COLEC12: variants seen among roughly 807,000 people sequenced by gnomAD.
COLEC12 encodes collectin-12.
Under a neutral mutation model 71.1 loss-of-function variants are expected in COLEC12, and 33 were observed. The ratio of observed to expected loss-of-function variants is 0.46; its 90% CI spans 0.35 to 0.62. COLEC12 has a LOEUF of 0.62. Ranked by LOEUF, COLEC12 falls within the 20% of genes least tolerant of loss-of-function variation. The probability of loss-of-function intolerance (pLI) is 0.00; values close to 1 mark genes in which losing one functional copy is unlikely to be tolerated. For missense variants in COLEC12, 765 were observed against 916.1 expected (o/e 0.84, Z 2.13); for synonymous variants, 350 against 353.0 (o/e 0.99, Z 0.10).
At chr18:471,612 A>T (rs1179194484) in intron 2 of COLEC12, among the ~76,000 whole-genome samples, 1 of 151,314 alleles carries the variant, frequency 6.6e-6, no homozygotes, top group Non-Finnish European at 1.5e-5. Flanking sequence ...AAATAATTTT[A>T]AAAGTGAAAC....
rs200423840 is a variant in COLEC12, at chr18:348,060, A to ATT, written c.280+3_280+4dup. ...ATTTCATGGTTTAGTCTTGTCACAG[A>ATT]TTACCTAATTTTTTCAGGTCACTTT... is the stretch of plus-strand genomic sequence containing the variant. On this transcript the variant is annotated splice_donor_region_variant and intron_variant, in intron 4 of 9. Transcript: ENST00000400256. The ATT allele has an allele frequency of 3.4e-3, 5,489 of 1,601,700 alleles. 189 individuals carry two copies. The African/African-American group carries it at 0.066, about 19-fold the overall frequency.
chr18:322,983 G>T (rs1913747626), intron 8 of COLEC12, among the ~76,000 whole-genome samples: 2 of 152,110 alleles, frequency 1.3e-5, no homozygotes, highest in South Asian at 4.1e-4. Flanking sequence ...CCAGCGTTTT[G>T]GGGGGCTGAG....
At chr18:347,996 C>T in intron 4 of COLEC12, 69 bp downstream of exon 4, 1 of 1,036,142 alleles carries the variant, frequency 9.7e-7, no homozygotes, top group Non-Finnish European at 1.5e-6. Context: ...ATAGCAACAT[C>T]ATTCTAAGAA....
chr18:336,994 G>A (rs963173810), intron 5 of COLEC12, among the ~76,000 whole-genome samples: 3 of 151,756 alleles, frequency 2.0e-5, no homozygotes, highest in Non-Finnish European at 2.9e-5. Context: ...ATGTAGCTGG[G>A]ACTAGAGGCT....
chr18:478,490 G>A (rs186763179), intron 2 of COLEC12, among the ~76,000 whole-genome samples: 59 of 152,280 alleles, frequency 3.9e-4, no homozygotes, highest in Non-Finnish European at 7.2e-4. Context: ...GCACATACCC[G>A]TAGGCCCAGC....
chr18:373,309 G>C (rs758323833), intron 2 of COLEC12, among the ~76,000 whole-genome samples: 1 of 152,144 alleles, frequency 6.6e-6, no homozygotes, highest in African/African-American at 2.4e-5. Context: ...CGCTGGAAAG[G>C]GAACACCTTG....
In COLEC12 at chr18:441,208, A is replaced by C. The variant is rs186524150; in HGVS notation, c.58+39499T>G. On this transcript the variant is annotated intron_variant, in intron 2 of 9. Coordinates refer to ENST00000400256, the MANE Select transcript of COLEC12 (RefSeq NM_130386.3). ...GCTTGCAGTGAGCCGAGATTGTGCC[A>C]CTGCACTCCAGCCTGGGCGACAGAG... Among the ~76,000 whole-genome samples, 434 of 151,058 alleles carry C rather than the reference A, an allele frequency of 2.9e-3. 1 individual carries two copies. The highest frequency in any genetic ancestry group is 0.014 in the Middle Eastern group (4 of 294).
intron 2 of COLEC12, among the ~76,000 whole-genome samples, chr18:410,925 T>C (rs1915881344): frequency 6.6e-6 from 1 of 152,170 alleles, no homozygotes; most frequent in Non-Finnish European, 1.5e-5. Flanking sequence ...CAGCAAAGCC[T>C]GGGTGGGGAA....
chr18:463,330 T>G (rs1328273329), intron 2 of COLEC12, among the ~76,000 whole-genome samples: 1 of 152,182 alleles, frequency 6.6e-6, no homozygotes, highest in Admixed American at 6.5e-5. Flanking sequence ...GGCACACGGG[T>G]GAAGCCATAG....
At chr18:497,184 G>A (rs968029663) in intron 1 of COLEC12, among the ~76,000 whole-genome samples, 1 of 152,194 alleles carries the variant, frequency 6.6e-6, no homozygotes, top group Admixed American at 6.5e-5. Context: ...AGGTGGCGCT[G>A]TGACTGACTG....
chr18:319,341 A>AATATATATATATATATATAT lies in COLEC12; in HGVS notation c.*684_*703dup, dbSNP rs1555611774. 6.0e-5 allele frequency: 4 copies of AATATATATATATATATATAT among 67,170 alleles called. No homozygotes were observed. Among genetic ancestry groups the AATATATATATATATATATAT allele is most frequent in the Admixed American group, 1.8e-4 (1 of 5,420 alleles). The allele number at this position is 67,170 out of a possible 1,614,324, so 4.2% of individuals were successfully genotyped here. On this transcript the variant is annotated 3_prime_UTR_variant, in exon 10 of 10. Transcript: ENST00000400256. ...AACATTAAAAAAAAAAAAAAAAAAA[A>AATATATATATATATATATAT]ATATATATATATATATATATATACA... is the stretch of plus-strand genomic sequence containing the variant.
chr18:377,916 T>A (rs1915148806), intron 2 of COLEC12, among the ~76,000 whole-genome samples: 2 of 152,120 alleles, frequency 1.3e-5, no homozygotes, highest in Non-Finnish European at 2.9e-5. Flanking sequence ...GTTGGGGCTT[T>A]AACTCCTTCC....
chr18:409,583 C>A (rs1915854512), intron 2 of COLEC12, among the ~76,000 whole-genome samples: 1 of 152,110 alleles, frequency 6.6e-6, no homozygotes, highest in Non-Finnish European at 1.5e-5. Context: ...ATAGAAAGTA[C>A]CAATGAGTTG....
At chr18:430,085 C>T (rs964939839) in intron 2 of COLEC12, among the ~76,000 whole-genome samples, 2 of 152,104 alleles carry the variant, frequency 1.3e-5, no homozygotes, top group African/African-American at 2.4e-5. Flanking sequence ...TGGTGGCTCA[C>T]GTCTGTAATC....
At chr18:484,920 G>C (rs975143716) in intron 1 of COLEC12, among the ~76,000 whole-genome samples, 1 of 152,228 alleles carries the variant, frequency 6.6e-6, no homozygotes, top group Admixed American at 6.5e-5. Flanking sequence ...ACTTGAGGAA[G>C]AGGAAGAGGG....
Position 319,954 on chromosome 18 carries a change from TTC to T in COLEC12, c.*89_*90del. The T allele has an allele frequency of 1.2e-6, 1 of 804,874 alleles. No homozygotes were observed. The highest frequency in any genetic ancestry group is 1.6e-5 in the South Asian group (1 of 63,874). The allele number at this position is 804,874 out of a possible 1,614,324, so 49.9% of individuals were successfully genotyped here. A position where few individuals can be genotyped will look rare whatever the true frequency, so the allele number is the denominator to read the frequency against. ...AATTGGTTTTCAGTGCTTTTTTTTTTTCAATCTGATGAGAAGGTGATGCAATT... is the reference window on the plus strand; with the variant it reads ...AATTGGTTTTCAGTGCTTTTTTTTTTAATCTGATGAGAAGGTGATGCAATT... On this transcript the variant is annotated 3_prime_UTR_variant, in exon 10 of 10. Transcript: ENST00000400256.
At chr18:370,646 T>C (rs1276608422) in intron 2 of COLEC12, among the ~76,000 whole-genome samples, 1 of 152,248 alleles carries the variant, frequency 6.6e-6, no homozygotes, top group East Asian at 1.9e-4. Context: ...TAAAACAGCC[T>C]GTGGTAAGAG....
At chr18:416,671 C>T (rs950815819) in intron 2 of COLEC12, among the ~76,000 whole-genome samples, 24 of 152,260 alleles carry the variant, frequency 1.6e-4, no homozygotes, top group African/African-American at 4.3e-4. Flanking sequence ...GCCCCTGCCA[C>T]GGCACAAACA....
intron 8 of COLEC12, among the ~76,000 whole-genome samples, chr18:323,156 T>C (rs1913754932): frequency 6.6e-6 from 1 of 151,950 alleles, no homozygotes; most frequent in African/African-American, 2.4e-5. Flanking sequence ...ATCCAGGAGG[T>C]GGAGGTTTGC....
Sources: allele counts gnomAD v4.1 joint callset (sites outside exome capture counted in the v4.1 genomes callset), GRCh38; gene constraint gnomAD v4.1.1; transcripts MANE v1.5; gene names NCBI Gene and HGNC (gene_info 2026-07-23, HGNC 2026-07-21).